ALDH1A2: variants seen among roughly 807,000 people sequenced by gnomAD.
The protein encoded by ALDH1A2 is aldehyde dehydrogenase 1 family member A2, also known as retinal dehydrogenase 2.
In ALDH1A2, 27 loss-of-function variants were observed where a neutral mutation model predicts 60.3. That is an observed-to-expected ratio of 0.45 (90% CI 0.33 to 0.62). ALDH1A2 has a LOEUF of 0.62. Among genes scored for constraint, ALDH1A2 ranks in the 20% least tolerant of loss-of-function variants. ALDH1A2 has a pLI of 0.02. For synonymous variants in ALDH1A2, 289 were observed against 232.4 expected, an observed-to-expected ratio of 1.24 and a Z score of -2.21; for missense variants, 581 against 643.8, an observed-to-expected ratio of 0.90 and a Z score of 1.06.
At chr15:57,995,217 C>CTAAA in intron 4 of ALDH1A2, 78 bp from the exon 5 acceptor site, 1 of 284,426 alleles carries the variant, frequency 3.5e-6, no homozygotes, top group Non-Finnish European at 5.7e-6. Flanking sequence ...TTGGTGGCTG[C>CTAAA]AAAAAAAAAA....
intron 1 of ALDH1A2, among the ~76,000 whole-genome samples, chr15:58,030,895 C>T (rs547380246): frequency 5.4e-4 from 82 of 152,098 alleles, no homozygotes; most frequent in Non-Finnish European, 6.6e-4. Flanking sequence ...GACAAACAGA[C>T]GGAAGAACAT....
intron 4 of ALDH1A2, among the ~76,000 whole-genome samples, chr15:58,004,053 A>G (rs1041664517): frequency 2.0e-5 from 3 of 151,844 alleles, no homozygotes; most frequent in African/African-American, 7.2e-5. Flanking sequence ...CAGAATGAAG[A>G]GTGGTGGGAG....
chr15:58,040,009 G>C (rs1896479159), intron 1 of ALDH1A2, among the ~76,000 whole-genome samples: 1 of 151,878 alleles, frequency 6.6e-6, no homozygotes, highest in African/African-American at 2.4e-5. Context: ...GAAATCAACA[G>C]TCACGGTTCT....
intron 7 of ALDH1A2, among the ~76,000 whole-genome samples, chr15:57,990,002 A>C (rs1894841224): frequency 1.8e-5 from 1 of 55,172 alleles, no homozygotes; most frequent in Non-Finnish European, 5.1e-5. Flanking sequence ...TCCGTCTCAA[A>C]AAAAAAAAAA....
intron 1 of ALDH1A2, among the ~76,000 whole-genome samples, chr15:58,026,749 C>T (rs1275578124): frequency 2.6e-5 from 4 of 152,186 alleles, no homozygotes; most frequent in Non-Finnish European, 5.9e-5. Context: ...CCCATGCCCA[C>T]GGAGCCTTGC....
intron 1 of ALDH1A2, among the ~76,000 whole-genome samples, chr15:58,039,760 A>T (rs1295262957): frequency 1.3e-5 from 2 of 151,806 alleles, no homozygotes; most frequent in African/African-American, 4.8e-5. Flanking sequence ...ATTAAGAGGA[A>T]GGGAGGAGCT....
intron 7 of ALDH1A2, among the ~76,000 whole-genome samples, chr15:57,986,571 C>CAAAAAAAAAAAAAAAAAAAA (rs71116542): frequency 7.3e-5 from 6 of 82,076 alleles, no homozygotes; most frequent in Middle Eastern, 0.011. Flanking sequence ...ACAGAAAAGC[C>CAAAAAAAAAAAAAAAAAAAA]AAAAAAAAAA....
chr15:57,977,085 C>T (rs1474689254), intron 7 of ALDH1A2, among the ~76,000 whole-genome samples: 6 of 142,284 alleles, frequency 4.2e-5, no homozygotes, highest in African/African-American at 1.3e-4. Flanking sequence ...ATCCTTTGCC[C>T]ACTTTTCGAT....
At chr15:57,991,952 G>A (rs1423541789) in intron 7 of ALDH1A2, among the ~76,000 whole-genome samples, 1 of 152,072 alleles carries the variant, frequency 6.6e-6, no homozygotes, top group African/African-American at 2.4e-5. Flanking sequence ...TTGTGACTCT[G>A]TAACAGGGAT....
At chr15:58,012,228 A>T (rs370928879) in intron 3 of ALDH1A2, 16 of 152,288 alleles carry the variant, frequency 1.1e-4, no homozygotes, top group Admixed American at 6.5e-4. Flanking sequence ...AAATTAATTA[A>T]TCATCTTCTA....
rs145755816 is a variant in ALDH1A2, at chr15:58,033,612, A to T, written c.118-19331T>A. ...TAAATTATTTTATACCAAAAAAATG[A>T]TTTCTCAATTAACTCAATATTAAAT... On this transcript the variant is annotated intron_variant, in intron 1 of 12. Coordinates refer to ENST00000249750, the MANE Select transcript of ALDH1A2 (RefSeq NM_003888.4). Among the ~76,000 whole-genome samples the T allele has an allele frequency of 1.7e-3, 262 of 151,210 alleles. 2 individuals carry two copies. Among genetic ancestry groups the T allele is most frequent in the African/African-American group, 5.7e-3 (234 of 41,258 alleles).
intron 1 of ALDH1A2, among the ~76,000 whole-genome samples, chr15:58,028,641 T>C (rs1896144155): frequency 6.6e-6 from 1 of 152,182 alleles, no homozygotes. Context: ...AAGTATGCTG[T>C]ATTCAAGATA....
intron 1 of ALDH1A2, chr15:58,014,531 C>T (rs1157755838): frequency 1.9e-6 from 1 of 540,274 alleles, no homozygotes. Flanking sequence ...ACTAAAGATA[C>T]AAATAAGGAT....
At chr15:58,039,134 G>A (rs955984952) in intron 1 of ALDH1A2, among the ~76,000 whole-genome samples, 4 of 151,764 alleles carry the variant, frequency 2.6e-5, no homozygotes, top group Admixed American at 1.3e-4. Context: ...TTGATTAAAT[G>A]TATATATCCT....
chr15:58,031,503 C>A (rs12911450), intron 1 of ALDH1A2, among the ~76,000 whole-genome samples: 60,546 of 151,878 alleles, frequency 0.4, 12,269 homozygotes, highest in Non-Finnish European at 0.44. Flanking sequence ...CAAAAGCCAA[C>A]ATAGACAAAT....
At chr15:57,977,397 T>C (rs1171401757) in intron 7 of ALDH1A2, among the ~76,000 whole-genome samples, 1 of 152,264 alleles carries the variant, frequency 6.6e-6, no homozygotes, top group Non-Finnish European at 1.5e-5. Flanking sequence ...AAGTCTTTAA[T>C]CCATCTTTAG....
chr15:58,051,745 G>A (rs549023791), intron 1 of ALDH1A2, among the ~76,000 whole-genome samples: 3 of 152,234 alleles, frequency 2.0e-5, no homozygotes, highest in Non-Finnish European at 4.4e-5. Flanking sequence ...GCAAGATGTG[G>A]TTTTGATGTG....
At chr15:58,054,912 C>T (rs555071084) in intron 1 of ALDH1A2, among the ~76,000 whole-genome samples, 1 of 152,112 alleles carries the variant, frequency 6.6e-6, no homozygotes, top group Non-Finnish European at 1.5e-5. Flanking sequence ...TCAATTCTCT[C>T]CTTTTTTTAA....
Position 58,014,004 on chromosome 15 carries a change from A to G in ALDH1A2, c.223-6T>C. The G allele has an allele frequency of 6.2e-7, 1 of 1,614,092 alleles. No homozygotes were observed. The highest frequency in any genetic ancestry group is 8.5e-7 in the Non-Finnish European group (1 of 1,179,990). On this transcript the variant is annotated splice_polypyrimidine_tract_variant and splice_region_variant and intron_variant, in intron 2 of 12. Coordinates refer to ENST00000249750, the MANE Select transcript of ALDH1A2 (RefSeq NM_003888.4). ...ACTGCTTTGTCTATATCTGCCTGTT[A>G]GAGAGGAAGAGGCACAACTGAAGAA...
Sources: allele counts gnomAD v4.1 joint callset (sites outside exome capture counted in the v4.1 genomes callset), GRCh38; gene constraint gnomAD v4.1.1; transcripts MANE v1.5; gene names NCBI Gene and HGNC (gene_info 2026-07-23, HGNC 2026-07-21).